DRC8: variants seen among roughly 807,000 people sequenced by gnomAD.
The protein encoded by DRC8 is dynein regulatory complex protein 8.
At chr1:244,973,249 A>T in the DRC8 span, among the ~76,000 whole-genome samples, 1 of 152,170 alleles carries the variant, frequency 6.6e-6, no homozygotes, top group African/African-American at 2.4e-5. Flanking sequence ...ATACTGTTTT[A>T]TGGGTACTAA....
the DRC8 span, among the ~76,000 whole-genome samples, chr1:245,107,850 A>G: frequency 0.99 from 150,383 of 152,236 alleles, 74,297 homozygotes; most frequent in East Asian, 1. Flanking sequence ...GCTGGGCACA[A>G]TAGTCATCAT....
chr1:245,095,380 C>T, the DRC8 span, among the ~76,000 whole-genome samples: 3 of 152,316 alleles, frequency 2.0e-5, no homozygotes, highest in Admixed American at 6.5e-5. Context: ...ATAATAAACA[C>T]GACAATACTA....
the DRC8 span, among the ~76,000 whole-genome samples, chr1:245,078,452 A>AAACAGAAGGTGTGT: frequency 1.3e-5 from 2 of 151,898 alleles, no homozygotes; most frequent in East Asian, 1.9e-4. Context: ...ATGAGTGGAT[A>AAACAGAAGGTGTGT]GTATATGTAC....
the DRC8 span, among the ~76,000 whole-genome samples, chr1:245,052,859 C>T: frequency 6.6e-6 from 1 of 152,324 alleles, no homozygotes; most frequent in South Asian, 2.1e-4. Context: ...TTCTTCCGTG[C>T]CATTCACTCT....
chr1:245,121,708 C>G, the DRC8 span, among the ~76,000 whole-genome samples: 1 of 152,012 alleles, frequency 6.6e-6, no homozygotes, highest in South Asian at 2.1e-4. Context: ...TGAACCAAAA[C>G]GAGGGCTGTC....
the DRC8 span, among the ~76,000 whole-genome samples, chr1:244,973,902 G>A: frequency 6.6e-6 from 1 of 152,050 alleles, no homozygotes; most frequent in Non-Finnish European, 1.5e-5. Flanking sequence ...TTTTTTCTAA[G>A]ATTATGTACG....
the DRC8 span, among the ~76,000 whole-genome samples, chr1:245,043,757 G>A: frequency 2.6e-5 from 4 of 152,326 alleles, no homozygotes; most frequent in East Asian, 7.7e-4. Flanking sequence ...CTGTCTGAAT[G>A]AAGTGATTTT....
At chr1:244,978,884 A>AT in the DRC8 span, among the ~76,000 whole-genome samples, 3 of 151,832 alleles carry the variant, frequency 2.0e-5, no homozygotes, top group Admixed American at 2.0e-4. Context: ...TCTTTTTAAG[A>AT]TTTTGCTTGT....
At chr1:244,981,592 T>G in the DRC8 span, among the ~76,000 whole-genome samples, 391 of 152,234 alleles carry the variant, frequency 2.6e-3, 5 homozygotes, top group Admixed American at 0.021. Flanking sequence ...GCTCAAAAGG[T>G]AAGCGCTTGG....
chr1:244,975,911 TG>T, the DRC8 span, among the ~76,000 whole-genome samples: 2 of 151,792 alleles, frequency 1.3e-5, no homozygotes, highest in Non-Finnish European at 2.9e-5. Context: ...GCTGAATAAA[TG>T]GGAAAGAAAG....
the DRC8 span, chr1:245,059,542 C>A: frequency 8.2e-7 from 1 of 1,223,694 alleles, no homozygotes. Flanking sequence ...TTACCGGAAA[C>A]TAAAAAAAAG....
the DRC8 span, among the ~76,000 whole-genome samples, chr1:245,105,221 C>G: frequency 6.6e-6 from 1 of 152,142 alleles, no homozygotes; most frequent in African/African-American, 2.4e-5. Context: ...TGGATTGTCT[C>G]TTTTTGTCAC....
the DRC8 span, among the ~76,000 whole-genome samples, chr1:244,989,895 C>G: frequency 6.6e-6 from 1 of 151,786 alleles, no homozygotes; most frequent in Non-Finnish European, 1.5e-5. Context: ...TGGAAAATTC[C>G]AGAAATAAAC....
the DRC8 span, among the ~76,000 whole-genome samples, chr1:245,016,504 G>A: frequency 6.6e-6 from 1 of 152,064 alleles, no homozygotes; most frequent in Non-Finnish European, 1.5e-5. Context: ...CACTCCTCGT[G>A]TCCCTACCCT....
the DRC8 span, among the ~76,000 whole-genome samples, chr1:245,008,764 G>A: frequency 0.1 from 15,552 of 151,144 alleles, 886 homozygotes; most frequent in East Asian, 0.24. Context: ...GAACTCCTGG[G>A]CTTAAGGGAT....
At chr1:244,991,165 C>T in the DRC8 span, among the ~76,000 whole-genome samples, 4 of 152,174 alleles carry the variant, frequency 2.6e-5, no homozygotes, top group Non-Finnish European at 4.4e-5. Flanking sequence ...TAAAGGTTCA[C>T]AGAACTCAAG....
chr1:245,034,863 T>TC, the DRC8 span, among the ~76,000 whole-genome samples: 1 of 148,510 alleles, frequency 6.7e-6, no homozygotes, highest in African/African-American at 2.5e-5. Flanking sequence ...AATGAAAGTT[T>TC]TTTTTTTTTT....
At chr1:245,033,934 C>T in the DRC8 span, among the ~76,000 whole-genome samples, 11 of 151,784 alleles carry the variant, frequency 7.2e-5, no homozygotes, top group African/African-American at 1.9e-4. Flanking sequence ...TTGGCCAGGC[C>T]GGTCTTGAAT....
chr1:245,083,786 C>A, the DRC8 span: 16 of 1,469,846 alleles, frequency 1.1e-5, no homozygotes, highest in East Asian at 2.2e-4. Context: ...TAAAATCAGT[C>A]ATTCTGGTGA....
Sources: allele counts gnomAD v4.1 joint callset (sites outside exome capture counted in the v4.1 genomes callset), GRCh38; gene constraint gnomAD v4.1.1; transcripts MANE v1.5; gene names NCBI Gene and HGNC (gene_info 2026-07-23, HGNC 2026-07-21).